The following KIRREL2 variants were observed in gnomAD, a reference collection of about 807,000 sequenced individuals.
KIRREL2 encodes the protein kin of IRRE-like protein 2.
In KIRREL2, 56 loss-of-function variants were observed where a neutral mutation model predicts 73.4. That is an observed-to-expected ratio of 0.76 (90% CI 0.62 to 0.95). KIRREL2 has a LOEUF of 0.95. KIRREL2 is among the 40% of genes least tolerant of loss of function. The probability of loss-of-function intolerance (pLI) is 0.00; values close to 1 mark genes in which losing one functional copy is unlikely to be tolerated. For synonymous variants in KIRREL2, 407 were observed against 404.0 expected (o/e 1.01, Z -0.09); for missense variants, 896 against 935.0 (o/e 0.96, Z 0.54).
rs762837574 is a variant in KIRREL2, at chr19:35,859,620, T to C, written c.662T>C (p.Leu221Pro). The change falls in exon 5 of 15, where the codon CTG becomes CCG. Residue 221 changes from leucine (L) to proline (P), a missense_variant. By Grantham distance (98) the Leu-to-Pro change is moderately conservative. Transcript: ENST00000360202. ...ACAGGAAGAGACACAGCTATCACAC[T>C]GAGCCTGCAGTGTGAGTGCAGCTGG... ...LPTGRDTAIT[L>P]SLQYPPEVTL... The C allele has an allele frequency of 5.0e-6, 8 of 1,613,896 alleles. No homozygotes were observed. In the South Asian group the frequency reaches 6.6e-5, roughly 13 times the overall value.
rs114094813 is a variant in KIRREL2 at position 35,864,660 on chromosome 19, C to T, written c.1738C>T (p.His580Tyr). The T allele has an allele frequency of 2.0e-4, 329 of 1,612,784 alleles. 1 individual carries two copies. The African/African-American group carries it at 4.2e-3, about 20-fold the overall frequency. ...GSREDRGPIVHTDHSDLVLEE... is the reference protein window; with the variant it reads ...GSREDRGPIVYTDHSDLVLEE... ...TTCCCTACCCCAGGGCCCCATTGTG[C>T]ACACTGACCACAGTGATCTGGTTCT... Residue 580 changes from histidine to tyrosine, a missense_variant, in exon 14 of 15, where the codon CAC becomes TAC. Physicochemically the swap from His to Tyr is moderately conservative, Grantham distance 83 (BLOSUM62 2). Coordinates refer to ENST00000360202, the MANE Select transcript of KIRREL2 (RefSeq NM_199180.4).
upstream of KIRREL2, among the ~76,000 whole-genome samples, chr19:35,854,136 C>T (rs912441240): frequency 1.1e-4 from 17 of 151,490 alleles, no homozygotes; most frequent in Admixed American, 2.6e-4. Context: ...GGAGCCGCTG[C>T]ACCCCGCCAC....
At position 35,862,500 on chromosome 19, in the gene KIRREL2, GC is replaced by G; in HGVS notation, c.1521del (p.Thr508LeufsTer4). On this transcript the variant is annotated frameshift_variant, in exon 12 of 15. Coordinates refer to ENST00000360202, the MANE Select transcript of KIRREL2 (RefSeq NM_199180.4). LOFTEE classifies it high-confidence loss of function. ...CCCCTCTGCTCCCTGCAGACTTGCT[GC>G]CCACTGTGCGGATAGTGGCCGGAGT... is the stretch of plus-strand genomic sequence containing the variant. ...QASLGRRDLL[P>X]TVRIVAGVAA... The G allele has an allele frequency of 6.2e-7, 1 of 1,609,186 alleles. No individual in the cohort carries two copies. The highest frequency in any genetic ancestry group is 8.5e-7 in the Non-Finnish European group (1 of 1,179,736).
upstream of KIRREL2, among the ~76,000 whole-genome samples, chr19:35,855,066 G>C (rs1404179316): frequency 6.6e-6 from 1 of 152,134 alleles, no homozygotes; most frequent in Non-Finnish European, 1.5e-5. Context: ...CCAGGAACAA[G>C]ATGAGGCATC....
rs746123438 is a variant in KIRREL2, at chr19:35,860,284, C to T, written c.674-13C>T. The stretch of plus-strand genomic sequence containing the variant: ...TGGTCCTTGCCCATCTGACCATTGT[C>T]CCACCCTCACAGACCCCCCAGAGGT... On this transcript the variant is annotated splice_polypyrimidine_tract_variant and intron_variant, in intron 5 of 14. Transcript: ENST00000360202. 7 of 1,610,498 alleles carry T rather than the reference C, an allele frequency of 4.3e-6. No homozygotes were observed. The Admixed American group carries it at 1.0e-4, about 23-fold the overall frequency.
intron 11 of KIRREL2, 58 bp from the exon 12 acceptor site, chr19:35,862,435 G>T: frequency 7.8e-7 from 1 of 1,278,388 alleles, no homozygotes; most frequent in Non-Finnish European, 1.1e-6. Context: ...CAATCCCTGA[G>T]CCCCCGCTTC....
At chr19:35,864,198 T>TTGTTG (rs1302769596) in intron 13 of KIRREL2, among the ~76,000 whole-genome samples, 8 of 151,702 alleles carry the variant, frequency 5.3e-5, no homozygotes, top group African/African-American at 1.7e-4. Flanking sequence ...GTTGTTGTTG[T>TTGTTG]TGTTGTTTTT....
chr19:35,852,062 T>C, upstream of KIRREL2, among the ~76,000 whole-genome samples: 1 of 151,824 alleles, frequency 6.6e-6, no homozygotes, highest in Admixed American at 6.6e-5. Flanking sequence ...TCTGTCTCTT[T>C]AAAAAAACTT....
chr19:35,866,782 G>T lies in KIRREL2; in HGVS notation c.*290G>T, dbSNP rs537204131. 112 of 526,524 alleles carry T rather than the reference G, an allele frequency of 2.1e-4. No individual in the cohort carries two copies. The highest frequency in any genetic ancestry group is 2.0e-3 in the African/African-American group (99 of 50,554). 32.6% of individuals were successfully genotyped at this position (526,524 alleles called of 1,614,324 possible). A position where few individuals can be genotyped will look rare whatever the true frequency, so the allele number is the denominator to read the frequency against. On this transcript the variant is annotated 3_prime_UTR_variant, in exon 15 of 15. Transcript: ENST00000360202. Reference sequence around the variant, plus strand: ...GAGAGATGGGGACAGGGCAGTGGGTGTTGGGAGTTTGGGGCCGGGATGGAA... The same window carrying T: ...GAGAGATGGGGACAGGGCAGTGGGTTTTGGGAGTTTGGGGCCGGGATGGAA...
intron 1 of KIRREL2, 43 bp downstream of exon 1, chr19:35,857,223 G>GGGGGGGGGGGGGC: frequency 6.7e-7 from 1 of 1,496,064 alleles, no homozygotes; most frequent in Non-Finnish European, 9.3e-7. Flanking sequence ...TGGGGGTGGG[G>GGGGGGGGGGGGGC]AGTTGCTTGC....
upstream of KIRREL2, chr19:35,856,799 C>A (rs1321170606): frequency 2.2e-6 from 1 of 461,864 alleles, no homozygotes; most frequent in Non-Finnish European, 3.9e-6. This position sits in a 1 kb window ranked among gnomAD's most constrained non-coding sequence, Gnocchi z 5.9. Flanking sequence ...CGCCCTGCGT[C>A]CCCCATTCAT....
At chr19:35,860,712 C>T (rs1471986997) in intron 7 of KIRREL2, 45 bp downstream of exon 7, 3 of 1,596,770 alleles carry the variant, frequency 1.9e-6, no homozygotes, top group Non-Finnish European at 2.5e-6. Flanking sequence ...GTGGCCGTGG[C>T]TTTCAGGGCT....
chr19:35,857,142 C>A lies in KIRREL2; in HGVS notation c.23C>A (p.Ala8Asp). 1 of 1,613,792 alleles carries A rather than the reference C, an allele frequency of 6.2e-7. No individual in the cohort carries two copies. Among genetic ancestry groups the A allele is most frequent in the Non-Finnish European group, 8.5e-7 (1 of 1,179,964 alleles). Residue 8 changes from alanine to aspartate, a missense_variant, in exon 1 of 15, where the codon GCC (alanine) becomes GAC (aspartate). Coordinates refer to ENST00000360202, the MANE Select transcript of KIRREL2 (RefSeq NM_199180.4). ...CGAATGCTCAGGATGCGGGTCCCCG[C>A]CCTCCTCGTCCTCCTCTTCTGCTTC... MLRMRVPALLVLLFCFRG... is the reference protein window; with the variant it reads MLRMRVPDLLVLLFCFRG...
chr19:35,853,246 A>G (rs1973323488), upstream of KIRREL2, among the ~76,000 whole-genome samples: 1 of 152,154 alleles, frequency 6.6e-6, no homozygotes, highest in East Asian at 1.9e-4. Flanking sequence ...GGAAGGTTAG[A>G]GTGAACTGCG....
chr19:35,863,806 G>C (rs1044701712), intron 13 of KIRREL2, among the ~76,000 whole-genome samples: 2 of 144,186 alleles, frequency 1.4e-5, no homozygotes, highest in African/African-American at 5.2e-5. Flanking sequence ...CGGAGTCTTG[G>C]TCTGTAGCCC....
intron 11 of KIRREL2, 30 bp downstream of exon 11, chr19:35,862,054 T>G: frequency 6.4e-7 from 1 of 1,570,480 alleles, no homozygotes; most frequent in African/African-American, 1.3e-5. Flanking sequence ...ACCCCAAATC[T>G]GGAGAGTCTA....
chr19:35,866,716 C>G lies in KIRREL2; in HGVS notation c.*224C>G. 1.6e-6 allele frequency: 1 copy of G among 611,646 alleles called. No individual in the cohort carries two copies. The highest frequency in any genetic ancestry group is 2.8e-6 in the Non-Finnish European group (1 of 353,132). The allele number at this position is 611,646 out of a possible 1,614,324, so 37.9% of individuals were successfully genotyped here. Reference sequence around the variant, plus strand: ...CCACCCAATATGCCCACCTATTCCCCGGTGTAAAAGAGATTCAAGATGGCA... The same window carrying G: ...CCACCCAATATGCCCACCTATTCCCGGGTGTAAAAGAGATTCAAGATGGCA... On this transcript the variant is annotated 3_prime_UTR_variant, in exon 15 of 15. Transcript: ENST00000360202.
At chr19:35,854,551 G>C (rs548561179), upstream of KIRREL2, among the ~76,000 whole-genome samples, 1 of 152,132 alleles carries the variant, frequency 6.6e-6, no homozygotes, top group Non-Finnish European at 1.5e-5. Flanking sequence ...TCGAACTCCT[G>C]ACCTCAGGTG....
chr19:35,858,340 TG>T, intron 2 of KIRREL2, 67 bp from the exon 3 acceptor site: 2 of 1,564,882 alleles, frequency 1.3e-6, no homozygotes, highest in Non-Finnish European at 1.7e-6. Context: ...GGAGGATGTC[TG>T]GGGATGGAGG....
Sources: gnomAD v4.1 joint callset for allele counts (sites outside exome capture counted in the v4.1 genomes callset) on GRCh38, gnomAD v4.1.1 for gene constraint, Gnocchi (gnomAD v3.1) non-coding constraint, MANE v1.5 for transcripts, NCBI Gene and HGNC (gene_info 2026-07-23, HGNC 2026-07-21) for gene names.